The following ADAM19 variants were observed in gnomAD, a reference collection of about 807,000 sequenced individuals.
ADAM19 encodes disintegrin and metalloproteinase domain-containing protein 19.
In ADAM19, 65 loss-of-function variants were observed where a neutral mutation model predicts 114.7. The observed-to-expected ratio is 0.57, with a 90% CI of 0.46 to 0.70. The LOEUF (loss-of-function observed/expected upper bound fraction) is 0.70. Among genes scored for constraint, ADAM19 ranks in the 30% least tolerant of loss-of-function variants. The pLI is 0.00. For synonymous variants in ADAM19, 466 were observed against 460.5 expected (o/e 1.01, Z -0.15); for missense variants, 1,063 against 1,204.7 (o/e 0.88, Z 1.74).
intron 11 of ADAM19, among the ~76,000 whole-genome samples, chr5:157,503,888 A>G (rs1755649282): frequency 6.6e-6 from 1 of 152,204 alleles, no homozygotes; most frequent in Non-Finnish European, 1.5e-5. Context: ...TCACAGGAGT[A>G]TGGAAGGTCC....
At chr5:157,527,759 C>T (rs929438577) in intron 5 of ADAM19, among the ~76,000 whole-genome samples, 1 of 152,132 alleles carries the variant, frequency 6.6e-6, no homozygotes, top group Admixed American at 6.5e-5. Context: ...CAACGGCTGT[C>T]TCTAGGAAGG....
Position 157,490,297 on chromosome 5 carries a change from AAC to A in ADAM19, c.2240+11_2240+12del. Reference sequence around the variant, plus strand: ...TAAATTGACCCTGAGTCCTCCATTGAACCCTGTCATACCTGAACTGTTGCCTC... The same window carrying A: ...TAAATTGACCCTGAGTCCTCCATTGACCTGTCATACCTGAACTGTTGCCTC... On this transcript the variant is annotated intron_variant, in intron 19 of 22. Coordinates refer to ENST00000257527, the MANE Select transcript of ADAM19 (RefSeq NM_033274.5). The A allele has an allele frequency of 6.2e-7, 1 of 1,614,016 alleles. No individual in the cohort carries two copies. Among genetic ancestry groups the A allele is most frequent in the Non-Finnish European group, 8.5e-7 (1 of 1,179,950 alleles).
chr5:157,518,754 A>G (rs1756175339), intron 7 of ADAM19, 69 bp downstream of exon 7: 1 of 1,193,110 alleles, frequency 8.4e-7, no homozygotes, highest in African/African-American at 1.5e-5. Context: ...TCCCCAAAGC[A>G]GTCTGGAGCC....
At chr5:157,560,134 G>A (rs940139351) in intron 3 of ADAM19, among the ~76,000 whole-genome samples, 5 of 150,152 alleles carry the variant, frequency 3.3e-5, no homozygotes, top group Admixed American at 6.6e-5. Context: ...GCGTAGTGGC[G>A]GGCGCCTGTA....
intron 13 of ADAM19, among the ~76,000 whole-genome samples, chr5:157,497,868 C>T (rs1755416722): frequency 1.3e-5 from 2 of 152,162 alleles, no homozygotes; most frequent in South Asian, 4.1e-4. Flanking sequence ...AGATAAAGAA[C>T]CTAGGCTCAG....
chr5:157,494,164 A>C (rs573749782), intron 15 of ADAM19, among the ~76,000 whole-genome samples: 83 of 132,122 alleles, frequency 6.3e-4, no homozygotes, highest in African/African-American at 2.1e-3. Context: ...AGATGGACGG[A>C]CAGATGGATG....
chr5:157,494,558 T>A, intron 15 of ADAM19, 129 bp downstream of exon 15: 1 of 678,684 alleles, frequency 1.5e-6, no homozygotes, highest in Non-Finnish European at 2.5e-6. Flanking sequence ...AATAGATGAC[T>A]GACTTCAACT....
chr5:157,511,629 G>A (rs1188345814), intron 8 of ADAM19, among the ~76,000 whole-genome samples: 2 of 152,206 alleles, frequency 1.3e-5, no homozygotes, highest in African/African-American at 4.8e-5. Context: ...TTACTAGGGA[G>A]CTTTTGAAGG....
intron 4 of ADAM19, among the ~76,000 whole-genome samples, chr5:157,532,789 C>T (rs1756661598): frequency 6.6e-6 from 1 of 152,216 alleles, no homozygotes; most frequent in South Asian, 2.1e-4. Context: ...TCCCTCCCAG[C>T]TCTAATCCTG....
At chr5:157,518,309 G>C (rs1756153152) in intron 7 of ADAM19, among the ~76,000 whole-genome samples, 1 of 151,838 alleles carries the variant, frequency 6.6e-6, no homozygotes, top group Non-Finnish European at 1.5e-5. Context: ...TGTGTGTGGA[G>C]GTGGGGGAGG....
At chr5:157,484,603 C>G (rs372551116) in intron 21 of ADAM19, among the ~76,000 whole-genome samples, 2 of 152,126 alleles carry the variant, frequency 1.3e-5, no homozygotes, top group East Asian at 3.8e-4. Context: ...ACACAAAGAG[C>G]CGAGATTTTC....
chr5:157,497,658 C>T (rs1755409014), intron 13 of ADAM19, among the ~76,000 whole-genome samples: 1 of 152,062 alleles, frequency 6.6e-6, no homozygotes, highest in Non-Finnish European at 1.5e-5. Flanking sequence ...TAATATATCC[C>T]CACTATGGGG....
At position 157,559,121 on chromosome 5, in the gene ADAM19, C is replaced by T. The variant is rs75661073; in HGVS notation, c.251+5252G>A. On this transcript the variant is annotated intron_variant, in intron 3 of 22. Coordinates refer to ENST00000257527, the MANE Select transcript of ADAM19 (RefSeq NM_033274.5). ...TCTAAATGCCCAAATTCTGCCTTGA[C>T]AATTGCTGTTCCCCAGGTGGTTTGG... is the stretch of plus-strand genomic sequence containing the variant. Among the ~76,000 whole-genome samples, 1,272 of 152,144 alleles carry T rather than the reference C, an allele frequency of 8.4e-3. 22 individuals are homozygous for T. The highest frequency in any genetic ancestry group is 0.029 in the African/African-American group (1,206 of 41,512).
At chr5:157,488,075 G>A (rs1054133110) in intron 21 of ADAM19, among the ~76,000 whole-genome samples, 190 bp downstream of exon 21, 3 of 152,186 alleles carry the variant, frequency 2.0e-5, no homozygotes, top group East Asian at 3.8e-4. Context: ...TGGTTTAGGA[G>A]CTTCTTAGAG....
intron 22 of ADAM19, 171 bp from the exon 23 acceptor site, chr5:157,481,173 A>T: frequency 2.4e-6 from 2 of 843,414 alleles, no homozygotes; most frequent in Non-Finnish European, 3.7e-6. Flanking sequence ...TCAGCCCTGC[A>T]GGAAGGGGTG....
Position 157,511,251 on chromosome 5 carries a change from A to G in ADAM19, c.739-1784T>C, listed in dbSNP as rs548049614. ...GAGCAGGAGATACCATCTTTATCCA[A>G]AATTGGTAGGTACTGCCCCAGCTGA... On this transcript the variant is annotated intron_variant, in intron 8 of 22. Coordinates refer to ENST00000257527, the MANE Select transcript of ADAM19 (RefSeq NM_033274.5). 3.9e-5 allele frequency among the ~76,000 whole-genome samples: 6 copies of G among 152,294 alleles called. No individual in the cohort carries two copies. In the East Asian group the frequency reaches 1.2e-3, roughly 29 times the overall value.
Position 157,535,796 on chromosome 5 carries a change from G to A in ADAM19, c.330+2117C>T, listed in dbSNP as rs116203946. 7.9e-4 allele frequency among the ~76,000 whole-genome samples: 121 copies of A among 152,366 alleles called. 1 individual carries two copies. Among genetic ancestry groups the A allele is most frequent in the African/African-American group, 2.7e-3 (111 of 41,588 alleles). ...CAAGGGGGCTTTCATAGCAGGAAGCGTGAGCTCATGGCAAATTCGTGGACT... is the reference window on the plus strand; with the variant it reads ...CAAGGGGGCTTTCATAGCAGGAAGCATGAGCTCATGGCAAATTCGTGGACT... On this transcript the variant is annotated intron_variant, in intron 4 of 22. Transcript: ENST00000257527.
intron 9 of ADAM19, 39 bp downstream of exon 9, chr5:157,509,262 A>C: frequency 6.4e-7 from 1 of 1,552,610 alleles, no homozygotes; most frequent in Non-Finnish European, 8.8e-7. Flanking sequence ...GAGGCTTTGC[A>C]GCCAAGGACA....
At chr5:157,505,930 C>T (rs1755728560) in intron 10 of ADAM19, 122 bp from the exon 11 acceptor site, 2 of 1,129,680 alleles carry the variant, frequency 1.8e-6, no homozygotes, top group Non-Finnish European at 2.5e-6. Context: ...ACTGAGCATA[C>T]AGACTCTCCA....
Sources: gnomAD v4.1 joint callset for allele counts (sites outside exome capture counted in the v4.1 genomes callset) on GRCh38, gnomAD v4.1.1 for gene constraint, MANE v1.5 for transcripts, NCBI Gene and HGNC (gene_info 2026-07-23, HGNC 2026-07-21) for gene names.